The following RPRD2 variants were observed in gnomAD, a reference collection of about 807,000 sequenced individuals.
The protein encoded by RPRD2 is regulation of nuclear pre-mRNA domain containing 2.
A neutral mutation model predicts 104.4 loss-of-function variants in RPRD2; 12 were observed. The observed-to-expected ratio is 0.11, with a 90% CI of 0.07 to 0.19. RPRD2 has a LOEUF of 0.19. RPRD2 is among the 10% of genes least tolerant of loss of function. The pLI is 1.00. For missense variants in RPRD2, 1,543 were observed against 1,790.1 expected, an observed-to-expected ratio of 0.86 and a Z score of 2.49; for synonymous variants, 714 against 684.9, an observed-to-expected ratio of 1.04 and a Z score of -0.66.
At chr1:150,426,075 T>C (rs1665102700) in intron 2 of RPRD2, among the ~76,000 whole-genome samples, 1 of 152,108 alleles carries the variant, frequency 6.6e-6, no homozygotes. Flanking sequence ...CACTCTGCCT[T>C]GAGCGACAGA....
At chr1:150,401,454 C>G (rs1553885343) in intron 1 of RPRD2, among the ~76,000 whole-genome samples, 3 of 151,522 alleles carry the variant, frequency 2.0e-5, no homozygotes, top group Non-Finnish European at 4.4e-5. Flanking sequence ...CGCCACTGCA[C>G]TCCAGCCTGG....
intron 10 of RPRD2, among the ~76,000 whole-genome samples, chr1:150,468,655 T>A (rs1668430891): frequency 6.6e-6 from 1 of 152,138 alleles, no homozygotes; most frequent in African/African-American, 2.4e-5. Context: ...AGTGGGACAA[T>A]CACTTGAGCC....
In RPRD2 at chr1:150,471,957, C is replaced by G; in HGVS notation, c.3009C>G (p.Thr1003=). The change falls in exon 11 of 11, where the codon ACC becomes ACG. Residue 1003 remains threonine, a synonymous_variant. Transcript: ENST00000369068. This position sits in a 1 kb window ranked among gnomAD's most constrained non-coding sequence, Gnocchi z 5.3. ...VEKVLASTIS[T]TSTIEFKNML... Reference sequence around the variant, plus strand: ...AAGTCCTGGCCTCCACCATTTCCACCACGTCGACGATTGAATTTAAGAATA... The same window carrying G: ...AAGTCCTGGCCTCCACCATTTCCACGACGTCGACGATTGAATTTAAGAATA... The G allele has an allele frequency of 6.2e-7, 1 of 1,613,954 alleles. No homozygotes were observed. Among genetic ancestry groups the G allele is most frequent in the South Asian group, 1.1e-5 (1 of 91,080 alleles).
intron 1 of RPRD2, among the ~76,000 whole-genome samples, chr1:150,375,926 T>A (rs1291765263): frequency 6.6e-6 from 1 of 152,164 alleles, no homozygotes; most frequent in East Asian, 1.9e-4. Context: ...AAAAAGTAGT[T>A]GTGTTTCGTA....
chr1:150,412,326 T>C (rs924688373), intron 1 of RPRD2, among the ~76,000 whole-genome samples: 7 of 152,142 alleles, frequency 4.6e-5, no homozygotes, highest in African/African-American at 1.7e-4. Context: ...TCCAAAGTGC[T>C]CTGACTAGAG....
At chr1:150,428,525 G>A (rs192669899) in intron 2 of RPRD2, among the ~76,000 whole-genome samples, 141 of 149,094 alleles carry the variant, frequency 9.5e-4, no homozygotes, top group African/African-American at 3.3e-3. Flanking sequence ...TTTTGACTAA[G>A]TATTGACTGC....
rs201108869 is a variant in RPRD2, at chr1:150,472,582, C to T, written c.3634C>T (p.Pro1212Ser). 51 of 1,613,796 alleles carry T rather than the reference C, an allele frequency of 3.2e-5. No homozygotes were observed. The highest frequency in any genetic ancestry group is 1.6e-4 in the Middle Eastern group (1 of 6,084). ...ACCCTTCCAGAGAGAGCCAGTGGGG[C>T]CATCATCTGCCCCACCTGTCCCTCC... Reference protein sequence around the residue: ...GTPFQREPVGPSSAPPVPPKD... With the variant: ...GTPFQREPVGSSSAPPVPPKD... The change falls in exon 11 of 11, where the codon CCA becomes TCA. Residue 1212 changes from proline to serine, a missense_variant. This residue lies in a region of RPRD2 where 880 missense variants were observed against 885.6 expected (regional missense o/e 0.99). Transcript: ENST00000369068.
intron 2 of RPRD2, among the ~76,000 whole-genome samples, chr1:150,428,890 G>A (rs138078139): frequency 6.6e-6 from 1 of 152,020 alleles, no homozygotes; most frequent in African/African-American, 2.4e-5. Flanking sequence ...TAAGAGTAAG[G>A]GGGGGTGTCA....
intron 2 of RPRD2, among the ~76,000 whole-genome samples, chr1:150,419,472 A>G (rs1334738567): frequency 6.6e-6 from 1 of 152,226 alleles, no homozygotes; most frequent in Non-Finnish European, 1.5e-5. Flanking sequence ...AGATTAAAAT[A>G]TGGTACTACT....
intron 7 of RPRD2, among the ~76,000 whole-genome samples, chr1:150,447,515 G>A (rs782487279): frequency 6.6e-5 from 10 of 150,838 alleles, no homozygotes; most frequent in Non-Finnish European, 1.2e-4. Flanking sequence ...CATATTTTTA[G>A]TAGAGATGGG....
chr1:150,416,675 G>A (rs1553888600), intron 1 of RPRD2, among the ~76,000 whole-genome samples: 1 of 151,864 alleles, frequency 6.6e-6, no homozygotes, highest in African/African-American at 2.4e-5. Context: ...TTTGAGATCA[G>A]CCTGGCCAAC....
chr1:150,367,923 A>G (rs782782164), intron 1 of RPRD2, among the ~76,000 whole-genome samples: 1 of 152,056 alleles, frequency 6.6e-6, no homozygotes, highest in Non-Finnish European at 1.5e-5. Context: ...GGGTTTTACC[A>G]TGTTGGCCAG....
rs587619201 is a variant in RPRD2 at position 150,376,702 on chromosome 1, G to T, written c.205+11783G>T. 5.9e-5 allele frequency among the ~76,000 whole-genome samples: 9 copies of T among 151,342 alleles called. No homozygotes were observed. The South Asian group carries it at 1.7e-3, about 28-fold the overall frequency. ...TTTTTAGTAGAGAAGGGGTTTCACC[G>T]TGTTAGCCAGGATGGTCTCGATCTC... is the stretch of plus-strand genomic sequence containing the variant. On this transcript the variant is annotated intron_variant, in intron 1 of 10. Coordinates refer to ENST00000369068, the MANE Select transcript of RPRD2 (RefSeq NM_015203.5).
At chr1:150,427,239 G>C (rs782108316) in intron 2 of RPRD2, among the ~76,000 whole-genome samples, 14 of 152,128 alleles carry the variant, frequency 9.2e-5, no homozygotes, top group Non-Finnish European at 1.8e-4. Flanking sequence ...TTGGGAGACC[G>C]AGGCGGGTGG....
intron 7 of RPRD2, among the ~76,000 whole-genome samples, chr1:150,449,830 T>C (rs1415978190): frequency 6.6e-6 from 1 of 152,198 alleles, no homozygotes; most frequent in Non-Finnish European, 1.5e-5. Flanking sequence ...TCTCAGCTAT[T>C]GATCTCAATT....
At chr1:150,452,857 A>G (rs1039404610) in intron 7 of RPRD2, among the ~76,000 whole-genome samples, 1 of 151,378 alleles carries the variant, frequency 6.6e-6, no homozygotes, top group African/African-American at 2.4e-5. Context: ...TTTAACAGTG[A>G]TGGGGTTTCA....
chr1:150,379,998 A>G (rs782210462), intron 1 of RPRD2, among the ~76,000 whole-genome samples: 1 of 152,220 alleles, frequency 6.6e-6, no homozygotes, highest in Non-Finnish European at 1.5e-5. Flanking sequence ...CTCTCATCTT[A>G]ACATCGCATA....
intron 2 of RPRD2, among the ~76,000 whole-genome samples, chr1:150,422,034 A>G (rs1664787977): frequency 6.6e-6 from 1 of 151,210 alleles, no homozygotes; most frequent in African/African-American, 2.4e-5. Flanking sequence ...CCCCATCCTA[A>G]CCACCACTTC....
rs782358506 is a variant in RPRD2, at chr1:150,457,463, C to T, written c.1046C>T (p.Pro349Leu). Residue 349 changes from proline to leucine, a missense_variant, in exon 8 of 11, where the codon CCA becomes CTA. Around this residue, in one of 4 missense-constraint regions of RPRD2, gnomAD observed 572 missense variants for 787.3 expected, o/e 0.73. Coordinates refer to ENST00000369068, the MANE Select transcript of RPRD2 (RefSeq NM_015203.5). ...ATGGGAGGTGAGGAATCCCAGTCAC[C>T]AACCATGGAGAGTGAGAAATCTGCC... is the stretch of plus-strand genomic sequence containing the variant. Reference protein sequence around the residue: ...QGMGGEESQSPTMESEKSATP... With the variant: ...QGMGGEESQSLTMESEKSATP... 1 of 1,613,804 alleles carries T rather than the reference C, an allele frequency of 6.2e-7. No homozygotes were observed. Among genetic ancestry groups the T allele is most frequent in the South Asian group, 1.1e-5 (1 of 91,076 alleles).
Sources: allele counts gnomAD v4.1 joint callset (sites outside exome capture counted in the v4.1 genomes callset), GRCh38; gene constraint gnomAD v4.1.1; regional missense constraint gnomAD v4.1.1; non-coding constraint Gnocchi (gnomAD v3.1); transcripts MANE v1.5; gene names NCBI Gene and HGNC (gene_info 2026-07-23, HGNC 2026-07-21).